The following CORO7 variants were observed in gnomAD, a reference collection of about 807,000 sequenced individuals.
CORO7 encodes coronin-7.
In CORO7, 107 loss-of-function variants were observed where a neutral mutation model predicts 126.6. The ratio of observed to expected loss-of-function variants is 0.85; its 90% CI spans 0.72 to 0.99. The LOEUF is 0.99. Ranked by LOEUF, CORO7 falls within the 50% of genes least tolerant of loss-of-function variation. The pLI is 0.00. For missense variants in CORO7, 1,314 were observed against 1,255.8 expected (o/e 1.05, Z -0.70); for synonymous variants, 603 against 536.8 (o/e 1.12, Z -1.70).
rs1334022521 is a variant in CORO7 at position 4,361,254 on chromosome 16, G to C, written c.1688-6C>G. The C allele has an allele frequency of 6.2e-7, 1 of 1,612,606 alleles. No individual in the cohort carries two copies. On this transcript the variant is annotated splice_polypyrimidine_tract_variant and splice_region_variant and intron_variant, in intron 17 of 27. Transcript: ENST00000251166. ...GATCCTGGCGTCCTCACCAGCTGCA[G>C]AGGACAGACAGGGGCTCATCATTGC...
At chr16:4,386,306 C>T (rs968192904) in intron 9 of CORO7, among the ~76,000 whole-genome samples, 7 of 152,232 alleles carry the variant, frequency 4.6e-5, no homozygotes, top group African/African-American at 1.7e-4. Context: ...GCATCATTAA[C>T]TCCTCCAGAG....
At position 4,382,098 on chromosome 16, in the gene CORO7, G is replaced by A. The variant is rs766610224; in HGVS notation, c.785+5888C>T. On this transcript the variant is annotated intron_variant, in intron 9 of 27. Transcript: ENST00000251166. The stretch of plus-strand genomic sequence containing the variant: ...CTGTAGGGCCTGTCCCCCAGCCCCA[G>A]GACTGCCCACCGTCCACCTGCCTCA... 1.0e-5 allele frequency: 16 copies of A among 1,585,336 alleles called. No homozygotes were observed. The Admixed American group carries it at 2.6e-4, about 26-fold the overall frequency.
Position 4,382,294 on chromosome 16 carries a change from C to T in CORO7, c.785+5692G>A, listed in dbSNP as rs763195905. The stretch of plus-strand genomic sequence containing the variant: ...GACCCTGGGCATCGAGCCGGTGAGC[C>T]CCACCTCCCTGCGCGTGGGGCTGCA... On this transcript the variant is annotated intron_variant, in intron 9 of 27. Coordinates refer to ENST00000251166, the MANE Select transcript of CORO7 (RefSeq NM_024535.5). 2.5e-6 allele frequency: 4 copies of T among 1,610,200 alleles called. No individual in the cohort carries two copies. In the Admixed American group the frequency reaches 5.0e-5, roughly 20 times the overall value.
intron 6 of CORO7, among the ~76,000 whole-genome samples, chr16:4,395,884 C>T (rs2055566256): frequency 2.0e-5 from 3 of 152,108 alleles, no homozygotes; most frequent in Admixed American, 1.3e-4. Flanking sequence ...TTCAGATTAT[C>T]CAAAGGGAGG....
chr16:4,370,403 C>T lies in CORO7; in HGVS notation c.786-4858G>A, dbSNP rs1373641319. 2.6e-5 allele frequency among the ~76,000 whole-genome samples: 4 copies of T among 152,324 alleles called. No homozygotes were observed. In the East Asian group the frequency reaches 7.7e-4, roughly 29 times the overall value. ...CAGAGGGAGCAACCGCCACTCAGCC[C>T]CAGCTGAGAGTTCCTGTTCAATGCA... On this transcript the variant is annotated intron_variant, in intron 9 of 27. Coordinates refer to ENST00000251166, the MANE Select transcript of CORO7 (RefSeq NM_024535.5).
chr16:4,412,653 G>T, intron 2 of CORO7: 2 of 550,598 alleles, frequency 3.6e-6, no homozygotes, highest in Non-Finnish European at 6.4e-6. Context: ...GACATTAGGC[G>T]AGAGGTCCTC....
chr16:4,388,499 T>C lies in CORO7; in HGVS notation c.702+46A>G, dbSNP rs868657895. On this transcript the variant is annotated intron_variant, in intron 8 of 27. Transcript: ENST00000251166. ...TCGTCCCCGCCCAAAGGGCTGGACA[T>C]GTCCCCACCTGGCCGTGCCCTGCTC... 2.3e-5 allele frequency: 36 copies of C among 1,586,522 alleles called. No individual in the cohort carries two copies. The Middle Eastern group carries it at 9.9e-4, about 44-fold the overall frequency.
At chr16:4,390,502 C>T (rs771804792) in intron 7 of CORO7, among the ~76,000 whole-genome samples, 22 of 152,266 alleles carry the variant, frequency 1.4e-4, no homozygotes, top group African/African-American at 2.6e-4. Flanking sequence ...GGTTGATAGG[C>T]GTGAGCCAGG....
chr16:4,362,811 C>G lies in CORO7; in HGVS notation c.1276-73G>C. 7.9e-7 allele frequency: 1 copy of G among 1,272,104 alleles called. No homozygotes were observed. Among genetic ancestry groups the G allele is most frequent in the South Asian group, 2.7e-5 (1 of 37,306 alleles). The allele number at this position is 1,272,104 out of a possible 1,614,324, so 78.8% of individuals were successfully genotyped here. On this transcript the variant is annotated intron_variant, in intron 14 of 27. Coordinates refer to ENST00000251166, the MANE Select transcript of CORO7 (RefSeq NM_024535.5). The surrounding 1 kb of genome is among the most constrained non-coding windows in gnomAD (Gnocchi z 5.3). ...CAAAAGGAGGGGGTGCCAGCGGACTCCAGGGTCACCACTCTGGGCCCCCTG... is the reference window on the plus strand; with the variant it reads ...CAAAAGGAGGGGGTGCCAGCGGACTGCAGGGTCACCACTCTGGGCCCCCTG...
At position 4,364,384 on chromosome 16, in the gene CORO7, G is replaced by A; in HGVS notation, c.1167C>T (p.Cys389=). 1 of 1,512,924 alleles carries A rather than the reference G, an allele frequency of 6.6e-7. No individual in the cohort carries two copies. Among genetic ancestry groups the A allele is most frequent in the Non-Finnish European group, 8.8e-7 (1 of 1,133,114 alleles). 93.7% of individuals were successfully genotyped at this position (1,512,924 alleles called of 1,614,324 possible). ...QVQKVSLNPA[C]RPHPSFTSCL... ...AGGAAGTGAAGCTCGGGTGGGGCCG[G>A]CAGGCGGGGTTGAGGCTGACCTTCT... is the stretch of plus-strand genomic sequence containing the variant. Residue 389 remains cysteine (C), a synonymous_variant, in exon 14 of 28, where the codon TGC becomes TGT. Transcript: ENST00000251166.
chr16:4,375,397 C>T (rs1453176740), intron 9 of CORO7, among the ~76,000 whole-genome samples: 1 of 152,248 alleles, frequency 6.6e-6, no homozygotes. Flanking sequence ...CCCTTTGCAA[C>T]CCTCTGTCCT....
In CORO7 at chr16:4,380,955, C is replaced by G. The variant is rs548108879; in HGVS notation, c.785+7031G>C. 7 of 1,600,634 alleles carry G rather than the reference C, an allele frequency of 4.4e-6. No homozygotes were observed. The Middle Eastern group carries it at 5.0e-4, about 114-fold the overall frequency. On this transcript the variant is annotated intron_variant, in intron 9 of 27. Coordinates refer to ENST00000251166, the MANE Select transcript of CORO7 (RefSeq NM_024535.5). ...GGCCTGGGGTGCAGGGCTGCCCATCCGGCTGCCAGTGCAGCCAGCCACAGA... is the reference window on the plus strand; with the variant it reads ...GGCCTGGGGTGCAGGGCTGCCCATCGGGCTGCCAGTGCAGCCAGCCACAGA...
At chr16:4,373,378 C>G (rs1378784668) in intron 9 of CORO7, among the ~76,000 whole-genome samples, 1 of 152,150 alleles carries the variant, frequency 6.6e-6, no homozygotes, top group Non-Finnish European at 1.5e-5. Context: ...GTCTCCTGCA[C>G]GTTGGAACAG....
chr16:4,374,141 C>T (rs998054889), intron 9 of CORO7, among the ~76,000 whole-genome samples: 7 of 121,956 alleles, frequency 5.7e-5, no homozygotes, highest in African/African-American at 1.3e-4. Flanking sequence ...GTGTGTCTGG[C>T]GTGGGCGTGT....
chr16:4,402,040 G>A (rs2055829553), intron 6 of CORO7, among the ~76,000 whole-genome samples: 1 of 151,738 alleles, frequency 6.6e-6, no homozygotes, highest in East Asian at 1.9e-4. Flanking sequence ...CCAGGTTCAA[G>A]TTATTCTCTT....
intron 16 of CORO7, 94 bp from the exon 17 acceptor site, chr16:4,361,563 C>A (rs2054181562): frequency 1.4e-6 from 2 of 1,414,574 alleles, no homozygotes; most frequent in Admixed American, 2.1e-5. Flanking sequence ...TGGGAGCCCA[C>A]CCTCTGCAGC....
At position 4,381,974 on chromosome 16, in the gene CORO7, G is replaced by A. The variant is rs138338435; in HGVS notation, c.785+6012C>T. 1.0e-4 allele frequency: 162 copies of A among 1,607,956 alleles called. No individual in the cohort carries two copies. The Admixed American group carries it at 1.3e-3, about 12-fold the overall frequency. Reference sequence around the variant, plus strand: ...GTGCCCACCACGAGGCCCGTGGTGCGGGAGCCCACAGCCTTGTCTTCTAGC... The same window carrying A: ...GTGCCCACCACGAGGCCCGTGGTGCAGGAGCCCACAGCCTTGTCTTCTAGC... On this transcript the variant is annotated intron_variant, in intron 9 of 27. Transcript: ENST00000251166.
chr16:4,384,615 ATGTCAGTGCCGAGTCAGGCCCAGC>A (rs1260881639), intron 9 of CORO7, among the ~76,000 whole-genome samples: 1 of 152,170 alleles, frequency 6.6e-6, no homozygotes, highest in African/African-American at 2.4e-5. Context: ...GCGGGTGTTG[ATGTCAGTGCCGAGTCAGGCCCAGC>A]CACGCGAGGC....
intron 16 of CORO7, 38 bp from the exon 17 acceptor site, chr16:4,361,507 C>T (rs766525818): frequency 6.2e-7 from 1 of 1,602,734 alleles, no homozygotes; most frequent in Admixed American, 1.7e-5. Flanking sequence ...CCATCAGTAC[C>T]AGGCAGAAAA....
Sources: allele counts gnomAD v4.1 joint callset (sites outside exome capture counted in the v4.1 genomes callset), GRCh38; gene constraint gnomAD v4.1.1; non-coding constraint Gnocchi (gnomAD v3.1); transcripts MANE v1.5; gene names NCBI Gene and HGNC (gene_info 2026-07-23, HGNC 2026-07-21).